Variants in SOHLH2 observed in about 807,000 individuals in gnomAD.
SOHLH2 encodes spermatogenesis- and oogenesis-specific basic helix-loop-helix-containing protein 2.
SOHLH2 carries 22 observed loss-of-function variants against 50.4 expected under a neutral mutation model. The observed-to-expected ratio is 0.44, with a 90% confidence interval of 0.31 to 0.62. The LOEUF (loss-of-function observed/expected upper bound fraction) is 0.62, where lower values mean the gene tolerates loss of function less well. SOHLH2 is among the 20% of genes least tolerant of loss of function. The probability of loss-of-function intolerance (pLI) is 0.08; values close to 1 mark genes in which losing one functional copy is unlikely to be tolerated. For missense variants in SOHLH2, 412 were observed against 504.4 expected, an observed-to-expected ratio of 0.82 and a Z score of 1.76; for synonymous variants, 185 against 187.3, an observed-to-expected ratio of 0.99 and a Z score of 0.10.
At position 36,193,623 on chromosome 13, in the gene SOHLH2, G is replaced by C. The variant is rs1887639901; in HGVS notation, c.428C>G (p.Thr143Ser). ...ACCTTTGGAAATTTTTTACTCACCA[G>C]TGTTTGAGGGACATGTTGTCCAGTA... ...VKYWTTCPSN[T>S]VKTENATGPE... Residue 143 changes from threonine to serine, a missense_variant and splice_region_variant, in exon 4 of 11, where the codon ACT becomes AGT. By Grantham distance (58) the Thr-to-Ser change is moderately conservative. Coordinates refer to ENST00000379881, the MANE Select transcript of SOHLH2 (RefSeq NM_017826.3). 1.3e-6 allele frequency: 2 copies of C among 1,597,158 alleles called. No homozygotes were observed. The highest frequency in any genetic ancestry group is 1.7e-6 in the Non-Finnish European group (2 of 1,175,750).
chr13:36,171,074 T>C (rs1026798143), intron 9 of SOHLH2, among the ~76,000 whole-genome samples: 2 of 152,126 alleles, frequency 1.3e-5, no homozygotes, highest in Non-Finnish European at 2.9e-5. Flanking sequence ...TCAATCAAAA[T>C]TGACTCTCTC....
At chr13:36,172,294 T>C (rs1886980789) in intron 9 of SOHLH2, among the ~76,000 whole-genome samples, 2 of 152,214 alleles carry the variant, frequency 1.3e-5, no homozygotes, top group Non-Finnish European at 2.9e-5. Flanking sequence ...TGTGGCCTGA[T>C]CTCTATCTGA....
Position 36,170,664 on chromosome 13 carries a change from T to C in SOHLH2, c.1124A>G (p.Tyr375Cys). The C allele has an allele frequency of 2.5e-6, 4 of 1,614,066 alleles. No homozygotes were observed. Among genetic ancestry groups the C allele is most frequent in the Non-Finnish European group, 3.4e-6 (4 of 1,179,994 alleles). Residue 375 changes from tyrosine (Y) to cysteine (C), a missense_variant, in exon 10 of 11, where the codon TAC becomes TGC. Coordinates refer to ENST00000379881, the MANE Select transcript of SOHLH2 (RefSeq NM_017826.3). The stretch of plus-strand genomic sequence containing the variant: ...CTGATTTGTTACAGCAGTTGCATCG[T>C]AGGAAGGGGTGACTTTAGAATAATA... Reference protein sequence around the residue: ...VRYYSKVTPSYDATAVTNQNI... With the variant: ...VRYYSKVTPSCDATAVTNQNI...
chr13:36,199,866 C>G (rs1351224251), intron 2 of SOHLH2, among the ~76,000 whole-genome samples: 2 of 152,186 alleles, frequency 1.3e-5, no homozygotes, highest in African/African-American at 4.8e-5. Flanking sequence ...TAGCTAGGGT[C>G]CTAATCTTGG....
rs569572252 is a variant in SOHLH2 at position 36,195,128 on chromosome 13, T to A, written c.264-1261A>T. Among the ~76,000 whole-genome samples, 3 of 152,086 alleles carry A rather than the reference T, an allele frequency of 2.0e-5. No homozygotes were observed. In the East Asian group the frequency reaches 5.8e-4, roughly 29 times the overall value. The stretch of plus-strand genomic sequence containing the variant: ...CATTAAACGAATCATTATAGATAAT[T>A]TTATGGCTGAAAATGTGTCCAATGC... On this transcript the variant is annotated intron_variant, in intron 2 of 10. Transcript: ENST00000379881.
At chr13:36,170,359 G>A (rs538742359) in intron 10 of SOHLH2, among the ~76,000 whole-genome samples, 172 bp downstream of exon 10, 94 of 152,248 alleles carry the variant, frequency 6.2e-4, no homozygotes, top group African/African-American at 2.1e-3. Flanking sequence ...CATGAGGAGC[G>A]AGAGCATGGG....
chr13:36,190,340 C>G (rs1887538335), intron 5 of SOHLH2, among the ~76,000 whole-genome samples: 1 of 152,040 alleles, frequency 6.6e-6, no homozygotes, highest in South Asian at 2.1e-4. Flanking sequence ...AACATTCTGA[C>G]CTTATCAATT....
intron 6 of SOHLH2, among the ~76,000 whole-genome samples, chr13:36,178,679 TAA>T (rs1169385386): frequency 2.0e-5 from 3 of 152,190 alleles, no homozygotes; most frequent in Non-Finnish European, 4.4e-5. Flanking sequence ...TGGATTCAAA[TAA>T]AGTTATGTTT....
At chr13:36,172,045 T>A (rs1886972285) in intron 9 of SOHLH2, among the ~76,000 whole-genome samples, 1 of 152,154 alleles carries the variant, frequency 6.6e-6, no homozygotes, top group Non-Finnish European at 1.5e-5. Flanking sequence ...TTACATCAAA[T>A]AAAAATGGCA....
At chr13:36,205,880 T>C (rs1868728421) in intron 1 of SOHLH2, among the ~76,000 whole-genome samples, 2 of 151,986 alleles carry the variant, frequency 1.3e-5, no homozygotes, top group African/African-American at 4.8e-5. Flanking sequence ...AGTTCCTTAT[T>C]GATTAATGGT....
At chr13:36,195,375 T>C (rs1391782538) in intron 2 of SOHLH2, among the ~76,000 whole-genome samples, 1 of 151,808 alleles carries the variant, frequency 6.6e-6, no homozygotes, top group African/African-American at 2.4e-5. Flanking sequence ...ACAGGTGAGT[T>C]TGAGAAGGTA....
chr13:36,184,460 C>CTTTTTTTTTT lies in SOHLH2; in HGVS notation c.641+5476_641+5485dup, dbSNP rs1229884029. Among the ~76,000 whole-genome samples the CTTTTTTTTTT allele has an allele frequency of 1.7e-4, 20 of 121,138 alleles. 2 individuals carry two copies. The highest frequency in any genetic ancestry group is 3.4e-4 in the African/African-American group (11 of 32,346). 79.5% of individuals were successfully genotyped at this position (121,138 alleles called of 152,430 possible). A position where few individuals can be genotyped will look rare whatever the true frequency, so the allele number is the denominator to read the frequency against. On this transcript the variant is annotated intron_variant, in intron 6 of 10. Transcript: ENST00000379881. The stretch of plus-strand genomic sequence containing the variant: ...GATGGAAGTTTCTACCTACAAAGAC[C>CTTTTTTTTTT]TTTTTTTTTTTTTTTTTTTGAGACG...
intron 6 of SOHLH2, among the ~76,000 whole-genome samples, chr13:36,186,980 C>T (rs973740977): frequency 2.0e-5 from 3 of 152,074 alleles, no homozygotes; most frequent in Non-Finnish European, 4.4e-5. Context: ...GATTCACAGG[C>T]ATGGTCAGAA....
chr13:36,207,889 G>A (rs2138329880), intron 1 of SOHLH2, among the ~76,000 whole-genome samples: 1 of 152,286 alleles, frequency 6.6e-6, no homozygotes, highest in South Asian at 2.1e-4. Flanking sequence ...TTCTTATGGT[G>A]TCATATATCA....
intron 6 of SOHLH2, among the ~76,000 whole-genome samples, chr13:36,177,921 A>G (rs978236192): frequency 3.3e-5 from 5 of 151,880 alleles, no homozygotes; most frequent in African/African-American, 9.7e-5. Flanking sequence ...TGATAAATCC[A>G]ATTTATTTAC....
intron 9 of SOHLH2, among the ~76,000 whole-genome samples, chr13:36,173,491 C>T (rs1005707728): frequency 7.2e-5 from 11 of 152,166 alleles, no homozygotes; most frequent in African/African-American, 1.9e-4. Context: ...CTGGTAATTA[C>T]GGTCAATTTT....
At chr13:36,169,957 T>G (rs984858864) in intron 10 of SOHLH2, among the ~76,000 whole-genome samples, 15 of 152,210 alleles carry the variant, frequency 9.9e-5, no homozygotes, top group Non-Finnish European at 1.5e-4. Context: ...CCCTTAACAC[T>G]AAATCTGCAT....
chr13:36,208,677 A>G (rs1342635049), intron 1 of SOHLH2, among the ~76,000 whole-genome samples: 1 of 152,082 alleles, frequency 6.6e-6, no homozygotes, highest in Non-Finnish European at 1.5e-5. Context: ...TGAGTCTCAC[A>G]GTTTCTTGTA....
intron 6 of SOHLH2, among the ~76,000 whole-genome samples, chr13:36,189,555 C>T (rs1051441098): frequency 6.6e-6 from 1 of 152,164 alleles, no homozygotes; most frequent in African/African-American, 2.4e-5. Flanking sequence ...TTAGCTACTG[C>T]CATCTCAAGA....
Sources: allele counts gnomAD v4.1 joint callset (sites outside exome capture counted in the v4.1 genomes callset), GRCh38; gene constraint gnomAD v4.1.1; transcripts MANE v1.5; gene names NCBI Gene and HGNC (gene_info 2026-07-23, HGNC 2026-07-21).